The following PCDHA8 variants were observed in gnomAD, a reference collection of about 807,000 sequenced individuals.
The protein encoded by PCDHA8 is protocadherin alpha 8, also known as protocadherin alpha-8.
A neutral mutation model predicts 61.8 loss-of-function variants in PCDHA8; 53 were observed. The observed-to-expected ratio is 0.86, with a 90% confidence interval of 0.69 to 1.08. The LOEUF is 1.08. PCDHA8 is among the 50% of genes least tolerant of loss of function. The probability of loss-of-function intolerance (pLI) is 0.00; values close to 1 mark genes in which losing one functional copy is unlikely to be tolerated. For synonymous variants in PCDHA8, 618 were observed against 556.6 expected (o/e 1.11, Z -1.55); for missense variants, 1,293 against 1,245.0 (o/e 1.04, Z -0.58).
intron 1 of PCDHA8, among the ~76,000 whole-genome samples, chr5:140,974,521 G>GT (rs1223492348): frequency 3.0e-4 from 45 of 152,208 alleles, no homozygotes; most frequent in African/African-American, 1.0e-3. Flanking sequence ...TTTTATTTTA[G>GT]TTTTTTTGAG....
chr5:140,881,145 A>G (rs1335769260), intron 1 of PCDHA8, among the ~76,000 whole-genome samples: 1 of 152,246 alleles, frequency 6.6e-6, no homozygotes, highest in Non-Finnish European at 1.5e-5. Context: ...TTATAACAAT[A>G]GATAAAAGTA....
Position 140,841,941 on chromosome 5 carries a change from C to A in PCDHA8, c.620C>A (p.Ala207Glu), listed in dbSNP as rs2150325943. The A allele has an allele frequency of 6.2e-6, 10 of 1,613,918 alleles. No individual in the cohort carries two copies. In the South Asian group the frequency reaches 7.7e-5, roughly 12 times the overall value. ...TCCTTGGACAGAGAGGACGCTCCTG[C>A]GCACCACTTATTCCTGACAGCCACA... ...RKSLDREDAP[A>E]HHLFLTATDG... Residue 207 changes from alanine (A) to glutamate (E), a missense_variant, in exon 1 of 4, where the codon GCG (alanine) becomes GAG (glutamate). Coordinates refer to ENST00000531613, the MANE Select transcript of PCDHA8 (RefSeq NM_018911.3).
chr5:140,863,123 GCCACCGCCTGCTGGTGCTGGTGAAGGA>G, intron 1 of PCDHA8: 1 of 593,078 alleles, frequency 1.7e-6, no homozygotes, highest in Non-Finnish European at 3.3e-6. Context: ...AAAGCTACGC[GCCACCGCCTGCTGGTGCTGGTGAAGGA>G]CCACTGCGAG....
At chr5:140,881,333 G>A (rs1554171980) in intron 1 of PCDHA8, 1 of 984,778 alleles carries the variant, frequency 1.0e-6, no homozygotes, top group Admixed American at 6.1e-5. Context: ...TAACCAGGAC[G>A]CCGATTCGGG....
chr5:140,938,176 G>A (rs1554212021), intron 1 of PCDHA8, among the ~76,000 whole-genome samples: 1 of 152,088 alleles, frequency 6.6e-6, no homozygotes, highest in Non-Finnish European at 1.5e-5. Flanking sequence ...GAGCTCCTGG[G>A]CTCAAGCAAT....
chr5:140,912,007 C>A lies in PCDHA8; in HGVS notation c.2395-66942C>A, dbSNP rs572487277. Among the ~76,000 whole-genome samples, 3 of 152,282 alleles carry A rather than the reference C, an allele frequency of 2.0e-5. No homozygotes were observed. The East Asian group carries it at 5.8e-4, about 29-fold the overall frequency. On this transcript the variant is annotated intron_variant, in intron 1 of 3. Coordinates refer to ENST00000531613, the MANE Select transcript of PCDHA8 (RefSeq NM_018911.3). ...ACAAGGTCCCACAATAGGCCATCTGCAAGCTGAGGAGCAAGCAAGCCAATC... is the reference window on the plus strand; with the variant it reads ...ACAAGGTCCCACAATAGGCCATCTGAAAGCTGAGGAGCAAGCAAGCCAATC...
intron 3 of PCDHA8, among the ~76,000 whole-genome samples, chr5:140,990,910 A>G (rs1460988111): frequency 1.3e-5 from 2 of 152,198 alleles, no homozygotes; most frequent in African/African-American, 2.4e-5. Context: ...GTCAAGTTTT[A>G]TAAGTCTTTA....
At chr5:140,913,092 C>T (rs1293188459) in intron 1 of PCDHA8, among the ~76,000 whole-genome samples, 1 of 152,134 alleles carries the variant, frequency 6.6e-6, no homozygotes, top group Non-Finnish European at 1.5e-5. Flanking sequence ...CAGGATAATA[C>T]TGGCCTCATA....
rs2150416183 is a variant in PCDHA8, at chr5:140,848,654, G to A, written c.2394+4939G>A. ...TGGGCCGCATCGCGCAGGACCTGGG[G>A]CTGGAGCTGGCGGAGCTGGTGCCGC... On this transcript the variant is annotated intron_variant, in intron 1 of 3. Coordinates refer to ENST00000531613, the MANE Select transcript of PCDHA8 (RefSeq NM_018911.3). The A allele has an allele frequency of 3.8e-6, 6 of 1,592,752 alleles. 1 individual carries two copies. Among genetic ancestry groups the A allele is most frequent in the African/African-American group, 1.3e-5 (1 of 74,466 alleles).
At chr5:140,884,469 C>A in intron 1 of PCDHA8, 1 of 1,613,766 alleles carries the variant, frequency 6.2e-7, no homozygotes, top group Non-Finnish European at 8.5e-7. Flanking sequence ...GCGTGCGCGC[C>A]GGGCAAGCCC....
At chr5:140,873,449 T>G (rs565390619) in intron 1 of PCDHA8, among the ~76,000 whole-genome samples, 1 of 152,310 alleles carries the variant, frequency 6.6e-6, no homozygotes, top group Non-Finnish European at 1.5e-5. Flanking sequence ...AATAACAAAT[T>G]TGCATTTTAG....
At chr5:140,850,482 G>A (rs2150486061) in intron 1 of PCDHA8, 3 of 1,598,110 alleles carry the variant, frequency 1.9e-6, no homozygotes, top group Non-Finnish European at 2.6e-6. Context: ...GACGGCCACG[G>A]CCACTGTGCT....
chr5:140,999,890 T>C (rs2097882236), intron 3 of PCDHA8, among the ~76,000 whole-genome samples: 1 of 152,168 alleles, frequency 6.6e-6, no homozygotes, highest in South Asian at 2.1e-4. Context: ...CAGCTGTAGC[T>C]TGGGACACCA....
In PCDHA8 at chr5:140,927,251, A is replaced by G. The variant is rs782356440; in HGVS notation, c.2395-51698A>G. The G allele has an allele frequency of 7.4e-6, 12 of 1,613,434 alleles. No homozygotes were observed. The Admixed American group carries it at 1.2e-4, about 16-fold the overall frequency. On this transcript the variant is annotated intron_variant, in intron 1 of 3. Transcript: ENST00000531613. The stretch of plus-strand genomic sequence containing the variant: ...ATTCACGTCCTGGACACCAATGACA[A>G]CTCACCTCTCTTTCCTGCCGGCGAC...
chr5:140,891,330 T>C (rs995602420), intron 1 of PCDHA8, among the ~76,000 whole-genome samples: 1 of 152,108 alleles, frequency 6.6e-6, no homozygotes, highest in Non-Finnish European at 1.5e-5. Flanking sequence ...TGGTGGTGAT[T>C]TGTGAGATTT....
In PCDHA8 at chr5:140,976,792, T is replaced by C. The variant is rs982135806; in HGVS notation, c.2395-2157T>C. 2.1e-4 allele frequency among the ~76,000 whole-genome samples: 32 copies of C among 152,216 alleles called. 1 individual carries two copies. The highest frequency in any genetic ancestry group is 1.0e-3 in the Admixed American group (16 of 15,274). ...AGACTCTGACTATATAGCTACGCTT[T>C]TATGAATATCTGAAGATATGCATGT... On this transcript the variant is annotated intron_variant, in intron 1 of 3. Coordinates refer to ENST00000531613, the MANE Select transcript of PCDHA8 (RefSeq NM_018911.3).
chr5:140,987,213 C>CA (rs58319157), intron 3 of PCDHA8, among the ~76,000 whole-genome samples: 3,048 of 118,770 alleles, frequency 0.026, 41 homozygotes, highest in Middle Eastern at 0.12. Flanking sequence ...GACTCCATCT[C>CA]AAAAAAAAAA....
intron 1 of PCDHA8, among the ~76,000 whole-genome samples, chr5:140,934,913 G>A (rs1226804104): frequency 1.3e-5 from 2 of 152,062 alleles, no homozygotes; most frequent in African/African-American, 4.8e-5. Flanking sequence ...GAATAATTAT[G>A]GATTCACATA....
chr5:140,915,453 A>G (rs963973003), intron 1 of PCDHA8, among the ~76,000 whole-genome samples: 13 of 152,232 alleles, frequency 8.5e-5, no homozygotes, highest in African/African-American at 2.9e-4. Context: ...AAGGTTTTCC[A>G]GAAGGTTTTT....
Sources: gnomAD v4.1 joint callset for allele counts (sites outside exome capture counted in the v4.1 genomes callset) on GRCh38, gnomAD v4.1.1 for gene constraint, MANE v1.5 for transcripts, NCBI Gene and HGNC (gene_info 2026-07-23, HGNC 2026-07-21) for gene names.